Variants in SVEP1 observed in about 807,000 individuals in gnomAD.
SVEP1 encodes sushi, von Willebrand factor type A, EGF and pentraxin domain-containing protein 1.
Under a neutral mutation model 367.3 loss-of-function variants are expected in SVEP1, and 164 were observed. The observed-to-expected ratio is 0.45, with a 90% confidence interval of 0.39 to 0.51. The LOEUF is 0.51. Ranked by LOEUF, SVEP1 falls within the 20% of genes least tolerant of loss-of-function variation. The probability of loss-of-function intolerance (pLI) is 0.00; values close to 1 mark genes in which losing one functional copy is unlikely to be tolerated. For synonymous variants in SVEP1, 1,666 were observed against 1,611.6 expected, an observed-to-expected ratio of 1.03 and a Z score of -0.81; for missense variants, 4,117 against 4,425.3, an observed-to-expected ratio of 0.93 and a Z score of 1.98.
chr9:110,392,980 C>T (rs568143587), intron 40 of SVEP1, among the ~76,000 whole-genome samples: 4 of 152,200 alleles, frequency 2.6e-5, no homozygotes, highest in Non-Finnish European at 4.4e-5. Context: ...GTAATTTCTC[C>T]AAGTAACTGA....
intron 42 of SVEP1, 79 bp downstream of exon 42, chr9:110,387,206 T>A: frequency 7.0e-7 from 1 of 1,434,704 alleles, no homozygotes; most frequent in Admixed American, 2.6e-5. Flanking sequence ...TGAGTGGAGC[T>A]TCCTCTATGT....
At chr9:110,487,427 T>A (rs1453246260) in intron 9 of SVEP1, among the ~76,000 whole-genome samples, 3 of 152,218 alleles carry the variant, frequency 2.0e-5, no homozygotes, top group Non-Finnish European at 4.4e-5. Flanking sequence ...CCAACATATT[T>A]TTCATGCAAA....
intron 27 of SVEP1, among the ~76,000 whole-genome samples, chr9:110,438,003 T>C (rs967924068): frequency 1.3e-5 from 2 of 151,956 alleles, no homozygotes; most frequent in African/African-American, 4.8e-5. Flanking sequence ...TATTTAATAG[T>C]TTTTTGTATT....
chr9:110,479,565 T>G, intron 13 of SVEP1, 70 bp downstream of exon 13: 2 of 1,493,654 alleles, frequency 1.3e-6, no homozygotes, highest in Non-Finnish European at 1.8e-6. Context: ...AAATCGCAGT[T>G]GTAAATGACT....
chr9:110,528,018 G>A lies in SVEP1; in HGVS notation c.965-13912C>T, dbSNP rs187223555. 1.7e-3 allele frequency among the ~76,000 whole-genome samples: 251 copies of A among 150,396 alleles called. 2 individuals are homozygous for A. Among genetic ancestry groups the A allele is most frequent in the African/African-American group, 5.9e-3 (241 of 40,946 alleles). On this transcript the variant is annotated intron_variant, in intron 3 of 47. Transcript: ENST00000374469. ...AATGGTCTCCAGCTCCATCAAAGTT[G>A]CTGCAAAAGACATTATTTCATTCAT... is the stretch of plus-strand genomic sequence containing the variant.
intron 41 of SVEP1, 54 bp downstream of exon 41, chr9:110,389,470 T>TTATTTTGTGTCCTCA (rs1457553562): frequency 6.3e-7 from 1 of 1,591,848 alleles, no homozygotes; most frequent in Non-Finnish European, 8.6e-7. Context: ...AGCCACACTG[T>TTATTTTGTGTCCTCA]TATTTTGTGT....
At chr9:110,463,410 A>T (rs1028071635) in intron 18 of SVEP1, among the ~76,000 whole-genome samples, 3 of 152,130 alleles carry the variant, frequency 2.0e-5, no homozygotes, top group Admixed American at 2.0e-4. Context: ...GTGATACTTA[A>T]ATATGATTGC....
At chr9:110,487,927 A>G (rs1230195513) in intron 9 of SVEP1, among the ~76,000 whole-genome samples, 3 of 152,220 alleles carry the variant, frequency 2.0e-5, no homozygotes, top group African/African-American at 7.2e-5. Flanking sequence ...CTTGTCCACT[A>G]CAGATTGCTA....
chr9:110,375,490 AG>A (rs1554709562), intron 45 of SVEP1, 27 bp from the exon 46 acceptor site: 6 of 1,338,826 alleles, frequency 4.5e-6, no homozygotes, highest in South Asian at 1.3e-5. Context: ...AAAAAAAAAA[AG>A]GAGGCAGGGG....
At chr9:110,459,232 A>G in intron 18 of SVEP1, 119 bp from the exon 19 acceptor site, 1 of 902,852 alleles carries the variant, frequency 1.1e-6, no homozygotes, top group Non-Finnish European at 1.6e-6. Context: ...TCTCTTCCAT[A>G]TATTTAATAC....
chr9:110,512,906 T>C lies in SVEP1; in HGVS notation c.1303+20A>G, dbSNP rs1245744016. On this transcript the variant is annotated intron_variant, in intron 5 of 47. Transcript: ENST00000374469. ...CAGGCAAGACAGTAAATAAACAATG[T>C]AAATTGGCAGTTTGCATACCTCTGC... 6.2e-7 allele frequency: 1 copy of C among 1,613,610 alleles called. No homozygotes were observed. The highest frequency in any genetic ancestry group is 8.5e-7 in the Non-Finnish European group (1 of 1,179,638).
chr9:110,502,894 T>TCTGTAACACCTGCAC (rs1429840643), intron 6 of SVEP1, 144 bp downstream of exon 6: 2 of 727,652 alleles, frequency 2.7e-6, no homozygotes, highest in Admixed American at 3.7e-5. Context: ...TGTTTTTGTA[T>TCTGTAACACCTGCAC]CTGTAACACC....
Position 110,487,633 on chromosome 9 carries a change from C to T in SVEP1, c.1930+2017G>A, listed in dbSNP as rs371877233. ...CATTTTTAAAACAAAATGAATTTAACATAGTGAATTTTAAAATAAACATAT... is the reference window on the plus strand; with the variant it reads ...CATTTTTAAAACAAAATGAATTTAATATAGTGAATTTTAAAATAAACATAT... On this transcript the variant is annotated intron_variant, in intron 9 of 47. Transcript: ENST00000374469. 1.8e-4 allele frequency among the ~76,000 whole-genome samples: 28 copies of T among 152,154 alleles called. No homozygotes were observed. In the South Asian group the frequency reaches 5.8e-3, roughly 32 times the overall value.
At chr9:110,491,879 G>T (rs1829371762) in intron 8 of SVEP1, among the ~76,000 whole-genome samples, 1 of 151,958 alleles carries the variant, frequency 6.6e-6, no homozygotes, top group Admixed American at 6.6e-5. Context: ...AGAAAGCTAT[G>T]ACTGTACATA....
chr9:110,368,426 G>C (rs1827229921), intron 47 of SVEP1, among the ~76,000 whole-genome samples: 1 of 152,138 alleles, frequency 6.6e-6, no homozygotes, highest in Admixed American at 6.5e-5. Context: ...AGCTTAATTT[G>C]CCATTATTTT....
In SVEP1 at chr9:110,404,317, A is replaced by T; in HGVS notation, c.9666+10T>A. The T allele has an allele frequency of 6.2e-7, 1 of 1,613,262 alleles. No homozygotes were observed. ...AGGCATTACACATTCTAATTAAGAC[A>T]GAATCTTACCTGACATACTGATATG... On this transcript the variant is annotated intron_variant, in intron 39 of 47. Transcript: ENST00000374469.
intron 3 of SVEP1, among the ~76,000 whole-genome samples, chr9:110,522,694 T>C (rs530617227): frequency 1.1e-3 from 162 of 152,280 alleles, no homozygotes; most frequent in African/African-American, 3.7e-3. Context: ...TTGGTGTTTA[T>C]TGTCAAATGT....
chr9:110,501,745 AAT>A (rs745856877), intron 6 of SVEP1, among the ~76,000 whole-genome samples: 5 of 152,114 alleles, frequency 3.3e-5, no homozygotes, highest in Non-Finnish European at 7.4e-5. Context: ...TTTTACTGAA[AAT>A]GTGTTTTAAA....
rs150613608 is a variant in SVEP1, at chr9:110,500,664, T to C, written c.1484-1426A>G. On this transcript the variant is annotated intron_variant, in intron 6 of 47. Coordinates refer to ENST00000374469, the MANE Select transcript of SVEP1 (RefSeq NM_153366.4). ...TGAAAACATACAGGAAACTTTATTTTGTTTTGTTTTTCACAAGGAGCTAGT... is the reference window on the plus strand; with the variant it reads ...TGAAAACATACAGGAAACTTTATTTCGTTTTGTTTTTCACAAGGAGCTAGT... Among the ~76,000 whole-genome samples the C allele has an allele frequency of 1.8e-4, 27 of 152,294 alleles. 1 individual carries two copies. In the East Asian group the frequency reaches 5.2e-3, roughly 29 times the overall value.
Sources: allele counts gnomAD v4.1 joint callset (sites outside exome capture counted in the v4.1 genomes callset), GRCh38; gene constraint gnomAD v4.1.1; transcripts MANE v1.5; gene names NCBI Gene and HGNC (gene_info 2026-07-23, HGNC 2026-07-21).